Variants in SLC25A26 observed in about 807,000 individuals in gnomAD.
The protein encoded by SLC25A26 is solute carrier family 25 member 26.
In SLC25A26, 36 loss-of-function variants were observed where a neutral mutation model predicts 37.8. The ratio of observed to expected loss-of-function variants is 0.95; its 90% CI spans 0.73 to 1.26. The LOEUF is 1.26. Ranked by LOEUF, SLC25A26 falls within the 50% of genes most tolerant of loss-of-function variation. The pLI is 0.00. For synonymous variants in SLC25A26, 129 were observed against 122.5 expected (o/e 1.05, Z -0.35); for missense variants, 390 against 331.1 (o/e 1.18, Z -1.38).
At chr3:66,371,332 G>T in intron 9 of SLC25A26, 1 of 1,549,048 alleles carries the variant, frequency 6.5e-7, no homozygotes, top group Non-Finnish European at 8.7e-7. Context: ...TGCCGAGTTG[G>T]ATCACTTATG....
At chr3:66,161,382 T>C (rs1186062724) in intron 1 of SLC25A26, among the ~76,000 whole-genome samples, 1 of 152,170 alleles carries the variant, frequency 6.6e-6, no homozygotes, top group Admixed American at 6.6e-5. Context: ...CCTTTTTTTC[T>C]TCCCTCTTTC....
chr3:66,310,405 T>TA (rs1282756437), intron 5 of SLC25A26, among the ~76,000 whole-genome samples: 3 of 152,192 alleles, frequency 2.0e-5, no homozygotes, highest in Non-Finnish European at 4.4e-5. Flanking sequence ...TTGCATGTGA[T>TA]ATGGGTCTCC....
chr3:66,140,543 C>A (rs756735989), intron 1 of SLC25A26, among the ~76,000 whole-genome samples: 24 of 152,208 alleles, frequency 1.6e-4, no homozygotes, highest in Non-Finnish European at 3.2e-4. Flanking sequence ...ATGAATTCAA[C>A]TAACATACAG....
intron 5 of SLC25A26, among the ~76,000 whole-genome samples, chr3:66,289,359 G>A (rs1441869030): frequency 1.3e-5 from 2 of 152,088 alleles, no homozygotes; most frequent in Non-Finnish European, 2.9e-5. Context: ...TGGCTTTGTT[G>A]CCATTGCTTT....
rs141917298 is a variant in SLC25A26, at chr3:66,224,999, C to T, written c.33+3872C>T. Among the ~76,000 whole-genome samples the T allele has an allele frequency of 3.7e-3, 560 of 152,274 alleles. 3 individuals carry two copies. The highest frequency in any genetic ancestry group is 0.017 in the East Asian group (89 of 5,154). The stretch of plus-strand genomic sequence containing the variant: ...GTTCCCATGGTGGCTTTGTGGGATA[C>T]AGCTCCCCTCCTGGCTGTTTTCATG... On this transcript the variant is annotated intron_variant, in intron 1 of 9. Coordinates refer to ENST00000354883, the MANE Select transcript of SLC25A26 (RefSeq NM_001379210.1).
intron 5 of SLC25A26, among the ~76,000 whole-genome samples, chr3:66,332,128 G>A (rs13322450): frequency 0.022 from 3,343 of 151,990 alleles, 123 homozygotes; most frequent in African/African-American, 0.075. Flanking sequence ...GGTAGAGATG[G>A]GGTTTCAGCA....
At chr3:66,275,206 A>T (rs1028624532) in intron 5 of SLC25A26, among the ~76,000 whole-genome samples, 3 of 137,314 alleles carry the variant, frequency 2.2e-5, no homozygotes, top group Non-Finnish European at 3.1e-5. Context: ...AACAATGAGA[A>T]CACATGGACA....
rs1230792781 is a variant in SLC25A26 at position 66,362,855 on chromosome 3, C to T, written c.499-5C>T. The T allele has an allele frequency of 2.5e-6, 4 of 1,591,104 alleles. No homozygotes were observed. In the South Asian group the frequency reaches 3.5e-5, roughly 14 times the overall value. Reference sequence around the variant, plus strand: ...ACTTGTATTTTTCTTTCTCCTTAAACACAGGCCCTCTGGTCCTGGAGGCAG... The same window carrying T: ...ACTTGTATTTTTCTTTCTCCTTAAATACAGGCCCTCTGGTCCTGGAGGCAG... On this transcript the variant is annotated splice_polypyrimidine_tract_variant and splice_region_variant and intron_variant, in intron 6 of 9. Transcript: ENST00000354883.
At chr3:66,161,783 GAC>G (rs1451787838) in intron 1 of SLC25A26, among the ~76,000 whole-genome samples, 1 of 152,132 alleles carries the variant, frequency 6.6e-6, no homozygotes, top group Admixed American at 6.5e-5. Flanking sequence ...GGTGCAGAGA[GAC>G]ACACAGTCCC....
intron 1 of SLC25A26, among the ~76,000 whole-genome samples, chr3:66,228,747 C>G (rs538077042): frequency 1.3e-5 from 2 of 152,256 alleles, no homozygotes; most frequent in Admixed American, 6.5e-5. Context: ...TAGCTGAGGT[C>G]ATATAGGTAT....
At chr3:66,290,794 G>T (rs2107506255) in intron 5 of SLC25A26, among the ~76,000 whole-genome samples, 2 of 152,240 alleles carry the variant, frequency 1.3e-5, no homozygotes, top group South Asian at 4.1e-4. Context: ...TTGTGTCTCT[G>T]CCAGGTTTTG....
Position 66,141,318 on chromosome 3 carries a change from G to C in SLC25A26, c.-354+7334G>C, listed in dbSNP as rs139878826. Among the ~76,000 whole-genome samples the C allele has an allele frequency of 2.3e-3, 352 of 151,386 alleles. 2 individuals carry two copies. Among genetic ancestry groups the C allele is most frequent in the Middle Eastern group, 0.01 (3 of 294 alleles). On this transcript the variant is annotated intron_variant, in intron 1 of 10. Transcript: ENST00000676754. Reference sequence around the variant, plus strand: ...CTTGCTGCATATGTGGTCTGGCCTCGAGGGCTCAAGAAATATGTCTGCCTC... The same window carrying C: ...CTTGCTGCATATGTGGTCTGGCCTCCAGGGCTCAAGAAATATGTCTGCCTC...
At chr3:66,198,795 C>A (rs936501319) in intron 1 of SLC25A26, among the ~76,000 whole-genome samples, 1 of 152,064 alleles carries the variant, frequency 6.6e-6, no homozygotes, top group Admixed American at 6.5e-5. Flanking sequence ...CTTACCCTCA[C>A]GTTCCCAGTG....
chr3:66,200,265 G>A (rs1370522493), intron 1 of SLC25A26, among the ~76,000 whole-genome samples: 1 of 152,212 alleles, frequency 6.6e-6, no homozygotes, highest in Non-Finnish European at 1.5e-5. Flanking sequence ...GGCTGGCCAA[G>A]GAGACTGCTG....
chr3:66,372,119 C>T (rs1002802024), intron 9 of SLC25A26, among the ~76,000 whole-genome samples: 3 of 152,160 alleles, frequency 2.0e-5, no homozygotes, highest in Non-Finnish European at 2.9e-5. Context: ...AAAAGTTCTT[C>T]TGTGTTTCAA....
chr3:66,360,289 T>G (rs577770961), intron 6 of SLC25A26, among the ~76,000 whole-genome samples: 2 of 152,312 alleles, frequency 1.3e-5, no homozygotes, highest in East Asian at 3.9e-4. Context: ...CATTATACTT[T>G]TCTAACCATT....
chr3:66,259,591 C>T (rs765669782), intron 3 of SLC25A26, among the ~76,000 whole-genome samples: 31 of 152,252 alleles, frequency 2.0e-4, no homozygotes, highest in South Asian at 1.0e-3. Context: ...TGACCAGGTC[C>T]GGTGCATTTT....
chr3:66,194,856 C>A (rs932031579), intron 1 of SLC25A26, among the ~76,000 whole-genome samples: 1 of 152,240 alleles, frequency 6.6e-6, no homozygotes, highest in Non-Finnish European at 1.5e-5. Flanking sequence ...CCTCCTCGGC[C>A]TCCCAAAGTG....
intron 1 of SLC25A26, among the ~76,000 whole-genome samples, chr3:66,143,071 T>A (rs1302423682): frequency 3.3e-5 from 5 of 152,146 alleles, no homozygotes; most frequent in Non-Finnish European, 7.3e-5. Context: ...CAGCCTAAGC[T>A]GTCTTTTATT....
Sources: gnomAD v4.1 joint callset for allele counts (sites outside exome capture counted in the v4.1 genomes callset) on GRCh38, gnomAD v4.1.1 for gene constraint, MANE v1.5 for transcripts, NCBI Gene and HGNC (gene_info 2026-07-23, HGNC 2026-07-21) for gene names.